Variants in DENND2C observed in about 807,000 individuals in gnomAD.
The protein encoded by DENND2C is DENN domain containing 2C.
In DENND2C, 72 loss-of-function variants were observed where a neutral mutation model predicts 112.4. The observed-to-expected ratio is 0.64, with a 90% CI of 0.53 to 0.78. The LOEUF (loss-of-function observed/expected upper bound fraction) is 0.78. Ranked by LOEUF, DENND2C falls within the 30% of genes least tolerant of loss-of-function variation. DENND2C has a pLI of 0.00. For missense variants in DENND2C, 992 were observed against 1,113.8 expected, an observed-to-expected ratio of 0.89 and a Z score of 1.56; for synonymous variants, 329 against 381.6, an observed-to-expected ratio of 0.86 and a Z score of 1.61.
intron 8 of DENND2C, among the ~76,000 whole-genome samples, chr1:114,615,847 G>C (rs1379135503): frequency 1.3e-5 from 2 of 152,102 alleles, no homozygotes; most frequent in African/African-American, 2.4e-5. Flanking sequence ...AGACTGAGGC[G>C]GGTGGATCAC....
rs928461849 is a variant in DENND2C at position 114,668,117 on chromosome 1, T to C, written c.-574+1866A>G. Among the ~76,000 whole-genome samples, 10 of 152,208 alleles carry C rather than the reference T, an allele frequency of 6.6e-5. No individual in the cohort carries two copies. The South Asian group carries it at 2.1e-3, about 31-fold the overall frequency. Reference sequence around the variant, plus strand: ...TTACATAAATATAATCTTGTGCCTATTGTGTAGTAGGCCCTCAAAAAACAA... The same window carrying C: ...TTACATAAATATAATCTTGTGCCTACTGTGTAGTAGGCCCTCAAAAAACAA... On this transcript the variant is annotated intron_variant, in intron 1 of 20. Transcript: ENST00000393274.
intron 12 of DENND2C, 96 bp from the exon 13 acceptor site, chr1:114,601,681 T>A: frequency 9.6e-7 from 1 of 1,036,472 alleles, no homozygotes. Flanking sequence ...TACTCTTTAG[T>A]ACGGAGCAGT....
intron 3 of DENND2C, among the ~76,000 whole-genome samples, chr1:114,636,873 G>C (rs975454739): frequency 1.3e-5 from 2 of 151,754 alleles, no homozygotes; most frequent in Non-Finnish European, 2.9e-5. Flanking sequence ...CAGTATAGAA[G>C]AATTAACTGT....
intron 10 of DENND2C, among the ~76,000 whole-genome samples, chr1:114,607,248 A>G (rs1204209973): frequency 6.6e-6 from 1 of 152,236 alleles, no homozygotes; most frequent in Non-Finnish European, 1.5e-5. Flanking sequence ...GACTTCATTT[A>G]CAAAACACAA....
intron 3 of DENND2C, among the ~76,000 whole-genome samples, chr1:114,637,609 C>G (rs781322718): frequency 4.0e-5 from 6 of 150,578 alleles, no homozygotes; most frequent in Admixed American, 4.0e-4. Flanking sequence ...CTCAACCTCT[C>G]GGGTTCAAGC....
intron 1 of DENND2C, among the ~76,000 whole-genome samples, chr1:114,667,192 T>C (rs1657669089): frequency 6.6e-6 from 1 of 152,146 alleles, no homozygotes; most frequent in Non-Finnish European, 1.5e-5. Context: ...TCTCTAATCG[T>C]CCTCCCTACC....
At chr1:114,610,249 G>A (rs944482597) in intron 9 of DENND2C, among the ~76,000 whole-genome samples, 4 of 152,324 alleles carry the variant, frequency 2.6e-5, no homozygotes, top group East Asian at 3.9e-4. Context: ...CTTGGACAAA[G>A]AGAGTCAGAA....
At chr1:114,609,023 G>T in intron 9 of DENND2C, 150 bp from the exon 10 acceptor site, 1 of 871,068 alleles carries the variant, frequency 1.1e-6, no homozygotes, top group Non-Finnish European at 1.8e-6. Flanking sequence ...AGACATACCT[G>T]TTAAGGCTGT....
At chr1:114,595,564 C>T (rs1437658237) in intron 17 of DENND2C, 1 of 357,426 alleles carries the variant, frequency 2.8e-6, no homozygotes, top group East Asian at 5.3e-5. Flanking sequence ...TGTGTCGACC[C>T]ACCTGGAGTT....
In DENND2C at chr1:114,618,381, C is replaced by G; in HGVS notation, c.1324+5G>C. On this transcript the variant is annotated splice_donor_5th_base_variant and intron_variant, in intron 8 of 20. Transcript: ENST00000393274. The stretch of plus-strand genomic sequence containing the variant: ...AGGATAGCTGGAACGAAAAACAATT[C>G]TTACCTTTTGTCGGAGGTAATTCCT... 1 of 1,559,092 alleles carries G rather than the reference C, an allele frequency of 6.4e-7. No individual in the cohort carries two copies. Among genetic ancestry groups the G allele is most frequent in the Non-Finnish European group, 8.7e-7 (1 of 1,152,334 alleles).
At chr1:114,605,327 A>G (rs762746580) in intron 10 of DENND2C, among the ~76,000 whole-genome samples, 4 of 152,234 alleles carry the variant, frequency 2.6e-5, no homozygotes, top group Non-Finnish European at 5.9e-5. Flanking sequence ...TTTCCTATCA[A>G]GAGGTAAAAT....
intron 3 of DENND2C, among the ~76,000 whole-genome samples, chr1:114,635,711 A>C (rs1656635484): frequency 6.6e-6 from 1 of 152,202 alleles, no homozygotes; most frequent in Non-Finnish European, 1.5e-5. Flanking sequence ...GTCCCTCTAA[A>C]ATATTAGTAA....
chr1:114,599,675 A>C (rs1655438378), intron 15 of DENND2C, among the ~76,000 whole-genome samples: 2 of 152,308 alleles, frequency 1.3e-5, no homozygotes, highest in Middle Eastern at 3.4e-3. Flanking sequence ...CATGCGAAAA[A>C]TTAGTGTACT....
rs1441592177 is a variant in DENND2C, at chr1:114,587,488, T to C, written c.2669-15A>G. ...CTCAAACAAACCTACAAGGAAAAACTCATGTTGGTGAAACTGTGTAACACT... is the reference window on the plus strand; with the variant it reads ...CTCAAACAAACCTACAAGGAAAAACCCATGTTGGTGAAACTGTGTAACACT... On this transcript the variant is annotated splice_polypyrimidine_tract_variant and intron_variant, in intron 19 of 20. Transcript: ENST00000393274. 6.8e-6 allele frequency: 11 copies of C among 1,613,662 alleles called. No individual in the cohort carries two copies. The Admixed American group carries it at 8.3e-5, about 12-fold the overall frequency.
At chr1:114,639,712 ATT>A (rs112934605) in intron 3 of DENND2C, among the ~76,000 whole-genome samples, 2 of 142,316 alleles carry the variant, frequency 1.4e-5, no homozygotes, top group Non-Finnish European at 1.5e-5. Flanking sequence ...CATTATATTA[ATT>A]TTTTTTTTTT....
chr1:114,632,865 C>T (rs572371050), intron 3 of DENND2C, among the ~76,000 whole-genome samples: 1 of 151,870 alleles, frequency 6.6e-6, no homozygotes, highest in South Asian at 2.1e-4. Context: ...AACTCGTATG[C>T]AGGATCACGT....
chr1:114,631,554 C>T (rs1656489848), intron 3 of DENND2C, among the ~76,000 whole-genome samples: 1 of 152,120 alleles, frequency 6.6e-6, no homozygotes, highest in Non-Finnish European at 1.5e-5. Flanking sequence ...GAGGCCAAGG[C>T]AGGCGGATCA....
chr1:114,637,358 A>C (rs1656684612), intron 3 of DENND2C, among the ~76,000 whole-genome samples: 3 of 132,822 alleles, frequency 2.3e-5, no homozygotes, highest in Non-Finnish European at 4.8e-5. Context: ...CAACAGAGCA[A>C]GACTCTGTCT....
chr1:114,599,778 T>A (rs1481012961), intron 15 of DENND2C, among the ~76,000 whole-genome samples: 1 of 152,164 alleles, frequency 6.6e-6, no homozygotes, highest in Non-Finnish European at 1.5e-5. Context: ...TGGTATAGCC[T>A]AACGCAAGTG....
Sources: allele counts gnomAD v4.1 joint callset (sites outside exome capture counted in the v4.1 genomes callset), GRCh38; gene constraint gnomAD v4.1.1; transcripts MANE v1.5; gene names NCBI Gene and HGNC (gene_info 2026-07-23, HGNC 2026-07-21).